Variants in FHIT observed in about 807,000 individuals in gnomAD.
FHIT encodes fragile histidine triad diadenosine triphosphatase, also known as bis(5'-adenosyl)-triphosphatase.
FHIT carries 19 observed loss-of-function variants against 17.9 expected under a neutral mutation model. The observed-to-expected ratio is 1.06, with a 90% CI of 0.74 to 1.56. The LOEUF (loss-of-function observed/expected upper bound fraction) is 1.56, where lower values mean the gene tolerates loss of function less well. FHIT is among the 40% of genes most tolerant of loss of function. The probability of loss-of-function intolerance (pLI) is 0.00; values close to 1 mark genes in which losing one functional copy is unlikely to be tolerated. For missense variants in FHIT, 248 were observed against 189.2 expected, an observed-to-expected ratio of 1.31 and a Z score of -1.82; for synonymous variants, 81 against 69.7, an observed-to-expected ratio of 1.16 and a Z score of -0.81.
intron 5 of FHIT, among the ~76,000 whole-genome samples, chr3:60,491,456 C>T (rs2034063363): frequency 6.6e-6 from 1 of 151,516 alleles, no homozygotes; most frequent in Admixed American, 6.6e-5. Flanking sequence ...AACATAATAA[C>T]TACCTAGAAA....
intron 4 of FHIT, among the ~76,000 whole-genome samples, chr3:60,794,398 A>ATGGATGGG (rs1391655081): frequency 1.3e-5 from 2 of 151,068 alleles, no homozygotes; most frequent in Non-Finnish European, 2.9e-5. Flanking sequence ...GGATGGATGG[A>ATGGATGGG]TGGATGGATG....
chr3:60,537,504 T>G (rs539683944), intron 4 of FHIT: 1 of 972,742 alleles, frequency 1.0e-6, no homozygotes, highest in Admixed American at 6.1e-5. Flanking sequence ...AGAACTATTC[T>G]AGTAAAATCT....
In FHIT at chr3:59,800,407, G is replaced by C. The variant is rs1699946985; in HGVS notation, c.349-48086C>G. ...CCTCACACCTGCTTTATGGTAAAAA[G>C]AAGCTATTGCAAATTTCTGCAAAGC... On this transcript the variant is annotated intron_variant, in intron 8 of 9. Transcript: ENST00000492590. Among the ~76,000 whole-genome samples the C allele has an allele frequency of 2.0e-5, 3 of 152,174 alleles. No homozygotes were observed. The South Asian group carries it at 6.2e-4, about 32-fold the overall frequency.
At chr3:60,640,296 C>CTTT (rs146786965) in intron 4 of FHIT, among the ~76,000 whole-genome samples, 1 of 151,266 alleles carries the variant, frequency 6.6e-6, no homozygotes, top group South Asian at 2.1e-4. Context: ...CCCCAATAAG[C>CTTT]TTTTTTTTTC....
intron 7 of FHIT, among the ~76,000 whole-genome samples, chr3:59,929,372 T>TTG: frequency 7.4e-6 from 1 of 135,092 alleles, no homozygotes; most frequent in Non-Finnish European, 1.6e-5. Flanking sequence ...GGTTTTTTTT[T>TTG]TTTTTTTTTT....
chr3:60,050,270 A>G (rs748008435), intron 5 of FHIT, among the ~76,000 whole-genome samples: 4 of 152,092 alleles, frequency 2.6e-5, no homozygotes, highest in Non-Finnish European at 4.4e-5. Flanking sequence ...AGTTTATTTC[A>G]TTGAACACAA....
intron 4 of FHIT, among the ~76,000 whole-genome samples, chr3:60,664,236 T>A (rs1352540933): frequency 6.6e-6 from 1 of 152,186 alleles, no homozygotes; most frequent in African/African-American, 2.4e-5. Flanking sequence ...GTTTCCTCAA[T>A]GAATTTTCTT....
chr3:60,077,595 G>A (rs145109072), intron 5 of FHIT: 2 of 150,072 alleles, frequency 1.3e-5, no homozygotes, highest in East Asian at 4.0e-4. Context: ...CAGAATGAAG[G>A]GATTCCCCTG....
intron 5 of FHIT, among the ~76,000 whole-genome samples, chr3:60,024,486 A>AT (rs560851526): frequency 2.0e-5 from 3 of 152,258 alleles, no homozygotes; most frequent in Middle Eastern, 6.8e-3. Flanking sequence ...AGAACTCTGT[A>AT]TTTTTTTGTA....
intron 7 of FHIT, among the ~76,000 whole-genome samples, chr3:59,942,079 G>A (rs1488118462): frequency 1.3e-5 from 2 of 152,132 alleles, no homozygotes; most frequent in East Asian, 3.9e-4. Context: ...CTAGCAACTA[G>A]GGGTGGACCC....
At chr3:60,907,076 C>T (rs1559818203) in intron 3 of FHIT, among the ~76,000 whole-genome samples, 1 of 151,902 alleles carries the variant, frequency 6.6e-6, no homozygotes, top group Non-Finnish European at 1.5e-5. Context: ...TCTTGGGACA[C>T]AAAATAGTTA....
At chr3:60,227,239 C>T (rs750659367) in intron 5 of FHIT, among the ~76,000 whole-genome samples, 3 of 152,136 alleles carry the variant, frequency 2.0e-5, no homozygotes, top group Non-Finnish European at 4.4e-5. Context: ...ATGACTTTTA[C>T]CAAGATTCTT....
At chr3:59,891,420 T>C (rs369129202) in intron 8 of FHIT, among the ~76,000 whole-genome samples, 1 of 152,194 alleles carries the variant, frequency 6.6e-6, no homozygotes, top group Non-Finnish European at 1.5e-5. Context: ...TTCCCATTGC[T>C]GGGTAGAAGA....
At chr3:61,085,592 G>C (rs142843921) in intron 2 of FHIT, among the ~76,000 whole-genome samples, 1 of 152,024 alleles carries the variant, frequency 6.6e-6, no homozygotes, top group East Asian at 1.9e-4. Flanking sequence ...TCTTAATAGT[G>C]TCCTTAAATA....
intron 5 of FHIT, among the ~76,000 whole-genome samples, chr3:60,282,477 A>T (rs1247053534): frequency 6.6e-6 from 1 of 152,172 alleles, no homozygotes; most frequent in African/African-American, 2.4e-5. Context: ...ATTCTATACG[A>T]AACTGTAATG....
chr3:59,899,206 C>G (rs1704211382), intron 8 of FHIT, among the ~76,000 whole-genome samples: 2 of 152,308 alleles, frequency 1.3e-5, no homozygotes, highest in South Asian at 4.2e-4. Flanking sequence ...GCTGACATTA[C>G]CTCCAGGGTC....
At chr3:60,209,504 G>T (rs575308068) in intron 5 of FHIT, among the ~76,000 whole-genome samples, 1 of 152,090 alleles carries the variant, frequency 6.6e-6, no homozygotes. Context: ...CTCCTGATTT[G>T]GTCCAGACAA....
At chr3:59,971,265 T>G (rs1375982246) in intron 7 of FHIT, among the ~76,000 whole-genome samples, 1 of 152,102 alleles carries the variant, frequency 6.6e-6, no homozygotes, top group East Asian at 1.9e-4. Context: ...TACGAAATCT[T>G]TGATTAGCAG....
At chr3:60,770,933 C>T (rs1030666478) in intron 4 of FHIT, among the ~76,000 whole-genome samples, 2 of 152,208 alleles carry the variant, frequency 1.3e-5, no homozygotes, top group African/African-American at 2.4e-5. Context: ...TTTCCTTCTC[C>T]CACTTTCAAT....
Sources: gnomAD v4.1 joint callset for allele counts (sites outside exome capture counted in the v4.1 genomes callset) on GRCh38, gnomAD v4.1.1 for gene constraint, MANE v1.5 for transcripts, NCBI Gene and HGNC (gene_info 2026-07-23, HGNC 2026-07-21) for gene names.